Variants in DCC observed in about 807,000 individuals in gnomAD.
DCC encodes netrin receptor DCC.
In DCC, 58 loss-of-function variants were observed where a neutral mutation model predicts 172.5. That is an observed-to-expected ratio of 0.34 (90% CI 0.27 to 0.42). The LOEUF is 0.42. Ranked by LOEUF, DCC falls within the 10% of genes least tolerant of loss-of-function variation. The probability of loss-of-function intolerance (pLI) is 1.00; values close to 1 mark genes in which losing one functional copy is unlikely to be tolerated. For missense variants in DCC, 1,740 were observed against 1,791.0 expected, an observed-to-expected ratio of 0.97 and a Z score of 0.51; for synonymous variants, 709 against 644.5, an observed-to-expected ratio of 1.10 and a Z score of -1.52.
At chr18:53,335,114 G>A (rs1031635730) in intron 14 of DCC, among the ~76,000 whole-genome samples, 3 of 152,014 alleles carry the variant, frequency 2.0e-5, no homozygotes, top group Non-Finnish European at 2.9e-5. Flanking sequence ...CAGATGTGAT[G>A]ATCCTCTTTG....
At chr18:53,111,334 G>A (rs556356621) in intron 7 of DCC, among the ~76,000 whole-genome samples, 28 of 149,746 alleles carry the variant, frequency 1.9e-4, no homozygotes, top group Admixed American at 1.5e-3. Context: ...CACCAACATG[G>A]CACATGTATA....
chr18:53,346,870 G>T (rs576459242), intron 15 of DCC, among the ~76,000 whole-genome samples: 2 of 152,302 alleles, frequency 1.3e-5, no homozygotes, highest in East Asian at 3.9e-4. Context: ...TCAATGTTAA[G>T]TTGTAGAATC....
intron 1 of DCC, among the ~76,000 whole-genome samples, chr18:52,708,498 A>G (rs2036246369): frequency 6.6e-6 from 1 of 151,914 alleles, no homozygotes; most frequent in Non-Finnish European, 1.5e-5. Context: ...CAGAACCAGA[A>G]CTCTAGTAGA....
At chr18:52,554,077 G>C (rs2032847212) in intron 1 of DCC, among the ~76,000 whole-genome samples, 1 of 152,000 alleles carries the variant, frequency 6.6e-6, no homozygotes. Context: ...GGTCAAAGAT[G>C]GTTGTATTAA....
chr18:53,321,446 G>A (rs986793145), intron 13 of DCC, among the ~76,000 whole-genome samples: 12 of 152,164 alleles, frequency 7.9e-5, no homozygotes, highest in East Asian at 7.7e-4. Flanking sequence ...TTCTCTGTGC[G>A]TTTTGAAATA....
intron 27 of DCC, among the ~76,000 whole-genome samples, chr18:53,520,036 C>T (rs1398822368): frequency 6.6e-6 from 1 of 151,994 alleles, no homozygotes; most frequent in Non-Finnish European, 1.5e-5. Context: ...GAAGGAGTCA[C>T]CAAGAATGGG....
intron 7 of DCC, among the ~76,000 whole-genome samples, chr18:53,083,986 A>C (rs890394412): frequency 2.6e-5 from 4 of 152,204 alleles, no homozygotes; most frequent in African/African-American, 4.8e-5. Flanking sequence ...GTGGGCCAGA[A>C]AAGGCAAATA....
chr18:53,425,357 C>CTTTTTTTTTTTTTTTTTT (rs747096336), intron 21 of DCC, among the ~76,000 whole-genome samples: 1 of 101,632 alleles, frequency 9.8e-6, no homozygotes, highest in Non-Finnish European at 1.9e-5. Flanking sequence ...TTTCTCCTCT[C>CTTTTTTTTTTTTTTTTTT]TTTTTTTTTT....
In DCC at chr18:52,548,115, C is replaced by A. The variant is rs374521426; in HGVS notation, c.92-203939C>A. Among the ~76,000 whole-genome samples the A allele has an allele frequency of 2.0e-3, 299 of 152,250 alleles. 2 individuals carry two copies. Among genetic ancestry groups the A allele is most frequent in the African/African-American group, 7.0e-3 (291 of 41,558 alleles). On this transcript the variant is annotated intron_variant, in intron 1 of 28. Coordinates refer to ENST00000442544, the MANE Select transcript of DCC (RefSeq NM_005215.4). ...CTTCTATTAGCTCTCCTAATGTTAA[C>A]GTCTTATTTGTTAACATAGCCTTTT...
At chr18:52,711,444 T>C (rs547052789) in intron 1 of DCC, among the ~76,000 whole-genome samples, 69 of 152,280 alleles carry the variant, frequency 4.5e-4, no homozygotes, top group African/African-American at 1.5e-3. Flanking sequence ...AGCACATGGC[T>C]TGACACACAG....
chr18:53,128,870 CATATATATATATATATATATAT>C (rs367907467), intron 7 of DCC, among the ~76,000 whole-genome samples: 1 of 77,480 alleles, frequency 1.3e-5, no homozygotes, highest in Non-Finnish European at 2.3e-5. Context: ...CACACACACA[CATATATATATATATATATATAT>C]ATATATATAT....
chr18:53,422,477 A>C (rs1297190452), intron 21 of DCC, among the ~76,000 whole-genome samples: 2 of 152,174 alleles, frequency 1.3e-5, no homozygotes, highest in Non-Finnish European at 2.9e-5. Context: ...GACGTTGTGT[A>C]ATTTCTGGAA....
chr18:53,529,934 G>C (rs1011113091), intron 28 of DCC, among the ~76,000 whole-genome samples: 2 of 152,068 alleles, frequency 1.3e-5, no homozygotes, highest in African/African-American at 2.4e-5. Flanking sequence ...TCCCAAAAAG[G>C]ATTGACTGTG....
At chr18:53,292,457 C>A (rs62097986) in intron 12 of DCC, among the ~76,000 whole-genome samples, 44,280 of 152,036 alleles carry the variant, frequency 0.29, 8,272 homozygotes, top group Non-Finnish European at 0.43. Context: ...GAGGCCAAGG[C>A]GGGCAGATCA....
chr18:52,399,614 T>G (rs1188277859), intron 1 of DCC, among the ~76,000 whole-genome samples: 1 of 151,970 alleles, frequency 6.6e-6, no homozygotes, highest in Admixed American at 6.6e-5. Flanking sequence ...AATCTCTGCT[T>G]CATCCTCAAG....
chr18:53,487,816 A>G (rs1355143228), intron 26 of DCC, among the ~76,000 whole-genome samples: 1 of 152,132 alleles, frequency 6.6e-6, no homozygotes, highest in African/African-American at 2.4e-5. Context: ...TGCACATAAT[A>G]TCTACAGAAT....
chr18:53,524,305 AAAG>A (rs2046431761), intron 27 of DCC, among the ~76,000 whole-genome samples: 2 of 152,050 alleles, frequency 1.3e-5, no homozygotes, highest in Admixed American at 6.6e-5. Context: ...ATGAAAAAAA[AAAG>A]AAGGAAAATG....
chr18:53,088,672 A>G (rs2042957175), intron 7 of DCC, among the ~76,000 whole-genome samples: 1 of 152,228 alleles, frequency 6.6e-6, no homozygotes, highest in Non-Finnish European at 1.5e-5. Context: ...CGCTAGCAAG[A>G]CTAATAAAGA....
chr18:53,147,897 T>C (rs548015900), intron 7 of DCC, among the ~76,000 whole-genome samples: 1 of 152,314 alleles, frequency 6.6e-6, no homozygotes, highest in East Asian at 1.9e-4. Flanking sequence ...TTTAATGAGT[T>C]GCCTAGTATC....
Sources: gnomAD v4.1 joint callset for allele counts (sites outside exome capture counted in the v4.1 genomes callset) on GRCh38, gnomAD v4.1.1 for gene constraint, MANE v1.5 for transcripts, NCBI Gene and HGNC (gene_info 2026-07-23, HGNC 2026-07-21) for gene names.